SPRED2: variants seen among roughly 807,000 people sequenced by gnomAD.
SPRED2 encodes the protein sprouty related EVH1 domain containing 2, also known as sprouty-related, EVH1 domain-containing protein 2.
SPRED2 carries 47 observed loss-of-function variants against 43.0 expected under a neutral mutation model. The ratio of observed to expected loss-of-function variants is 1.09; its 90% CI spans 0.87 to 1.40. The LOEUF (loss-of-function observed/expected upper bound fraction) is 1.40, where lower values mean the gene tolerates loss of function less well. Ranked by LOEUF, SPRED2 falls within the 40% of genes most tolerant of loss-of-function variation. SPRED2 has a pLI of 0.00. For missense variants in SPRED2, 561 were observed against 586.4 expected (o/e 0.96, Z 0.45); for synonymous variants, 225 against 225.7 (o/e 1.00, Z 0.03).
chr2:65,430,375 A>G (rs2103824718), intron 1 of SPRED2, among the ~76,000 whole-genome samples: 1 of 152,302 alleles, frequency 6.6e-6, no homozygotes, highest in African/African-American at 2.4e-5. Flanking sequence ...TACTGCAGTC[A>G]AAGTTCCCTG....
At chr2:65,385,488 T>C (rs1675473714) in intron 1 of SPRED2, among the ~76,000 whole-genome samples, 1 of 152,218 alleles carries the variant, frequency 6.6e-6, no homozygotes, top group Non-Finnish European at 1.5e-5. Context: ...CTTTGGCAGT[T>C]GCTTCACAGG....
chr2:65,391,428 C>G (rs758002262), intron 1 of SPRED2, among the ~76,000 whole-genome samples: 1 of 152,124 alleles, frequency 6.6e-6, no homozygotes, highest in South Asian at 2.1e-4. Context: ...TTGCTATGCA[C>G]GTTTTAGGCA....
At chr2:65,401,937 G>GTGCACACACACACACA (rs1553426614) in intron 1 of SPRED2, among the ~76,000 whole-genome samples, 26 of 114,762 alleles carry the variant, frequency 2.3e-4, no homozygotes, top group African/African-American at 8.4e-4. Flanking sequence ...GCGCGCGCGC[G>GTGCACACACACACACA]CACACACACA....
chr2:65,318,628 G>A lies in SPRED2; in HGVS notation c.439-1745C>T, dbSNP rs1460857008. Among the ~76,000 whole-genome samples the A allele has an allele frequency of 2.0e-5, 3 of 151,862 alleles. No homozygotes were observed. The East Asian group carries it at 5.8e-4, about 29-fold the overall frequency. On this transcript the variant is annotated intron_variant, in intron 4 of 5. Coordinates refer to ENST00000356388, the MANE Select transcript of SPRED2 (RefSeq NM_181784.3). The stretch of plus-strand genomic sequence containing the variant: ...TTCCTTTGGCTACTGTTTCTTACTT[G>A]TATATTCCCCTCATCTCATTTGCTT...
chr2:65,388,080 C>T (rs1225029674), intron 1 of SPRED2, among the ~76,000 whole-genome samples: 2 of 152,222 alleles, frequency 1.3e-5, no homozygotes, highest in Non-Finnish European at 2.9e-5. Flanking sequence ...TGAGCCACCA[C>T]GCCCAGCGGA....
At chr2:65,427,587 A>G (rs756340055) in intron 1 of SPRED2, among the ~76,000 whole-genome samples, 1 of 152,134 alleles carries the variant, frequency 6.6e-6, no homozygotes, top group Non-Finnish European at 1.5e-5. Context: ...AATTTGCACT[A>G]CTCCCATTAT....
chr2:65,352,194 C>T lies in SPRED2; in HGVS notation c.27-7298G>A, dbSNP rs116968952. ...CAGATCTGGCAGTAGCCAATTCTGG[C>T]AAAGGCCATCAGCTCTTCTCTCAAA... On this transcript the variant is annotated intron_variant, in intron 1 of 5. Coordinates refer to ENST00000356388, the MANE Select transcript of SPRED2 (RefSeq NM_181784.3). Among the ~76,000 whole-genome samples, 63 of 152,336 alleles carry T rather than the reference C, an allele frequency of 4.1e-4. 1 individual carries two copies. In the East Asian group the frequency reaches 0.01, roughly 24 times the overall value.
intron 1 of SPRED2, among the ~76,000 whole-genome samples, chr2:65,376,972 C>T (rs866781597): frequency 1.3e-5 from 2 of 152,142 alleles, no homozygotes; most frequent in Non-Finnish European, 2.9e-5. Context: ...CCTCGGCCTC[C>T]CAAAGTGCTG....
At chr2:65,399,554 T>C (rs1281835886) in intron 1 of SPRED2, among the ~76,000 whole-genome samples, 4 of 151,826 alleles carry the variant, frequency 2.6e-5, no homozygotes, top group Non-Finnish European at 5.9e-5. Context: ...GGCTAATTTT[T>C]GTATTTTTAG....
At chr2:65,430,853 C>A (rs1325626270) in intron 1 of SPRED2, among the ~76,000 whole-genome samples, 2 of 146,712 alleles carry the variant, frequency 1.4e-5, no homozygotes, top group Non-Finnish European at 1.5e-5. Context: ...AATAAAGGAG[C>A]GCGTCTTATT....
chr2:65,377,910 T>A lies in SPRED2; in HGVS notation c.27-33014A>T, dbSNP rs897650352. The A allele has an allele frequency of 3.0e-5, 10 of 332,552 alleles. No homozygotes were observed. In the Admixed American group the frequency reaches 3.1e-4, roughly 10 times the overall value. 20.6% of individuals were successfully genotyped at this position (332,552 alleles called of 1,614,324 possible). A position where few individuals can be genotyped will look rare whatever the true frequency, so the allele number is the denominator to read the frequency against. On this transcript the variant is annotated intron_variant, in intron 1 of 5. Transcript: ENST00000356388. ...TCATACTCTCTTTCCACATGCATCC[T>A]GAAGGTTCTATTCTAAGTTTACCAA...
chr2:65,313,720 CGCGCACCACAT>C lies in SPRED2; in HGVS notation c.1027_1037del (p.Met343GlyfsTer24). 1 of 1,614,174 alleles carries C rather than the reference CGCGCACCACAT, an allele frequency of 6.2e-7. No homozygotes were observed. The highest frequency in any genetic ancestry group is 8.5e-7 in the Non-Finnish European group (1 of 1,180,018). On this transcript the variant is annotated frameshift_variant, in exon 6 of 6. Coordinates refer to ENST00000356388, the MANE Select transcript of SPRED2 (RefSeq NM_181784.3). LOFTEE classifies it high-confidence loss of function. The stretch of plus-strand genomic sequence containing the variant: ...ACATACAGTGATAGAGCATGCTGTC[CGCGCACCACAT>C]GCAGCTCACCCGGCGGATGCAAGTT...
intron 1 of SPRED2, among the ~76,000 whole-genome samples, chr2:65,402,081 C>T (rs977821058): frequency 2.0e-5 from 3 of 151,496 alleles, no homozygotes; most frequent in Non-Finnish European, 4.4e-5. Context: ...AGTTTGAAAG[C>T]AGCCTGGGCA....
intron 1 of SPRED2, among the ~76,000 whole-genome samples, chr2:65,390,181 C>G (rs185940833): frequency 2.0e-5 from 3 of 152,290 alleles, no homozygotes; most frequent in Non-Finnish European, 4.4e-5. Context: ...TGAGCCAGAC[C>G]TGGCAAAATA....
At chr2:65,409,397 A>C (rs897089655) in intron 1 of SPRED2, among the ~76,000 whole-genome samples, 5 of 152,232 alleles carry the variant, frequency 3.3e-5, no homozygotes, top group African/African-American at 1.2e-4. Context: ...AGATACACTA[A>C]ATAATAGACT....
At chr2:65,378,783 C>A (rs1675305426) in intron 1 of SPRED2, among the ~76,000 whole-genome samples, 1 of 152,170 alleles carries the variant, frequency 6.6e-6, no homozygotes. Flanking sequence ...GGAGGGGTTA[C>A]TTTTGTTGTT....
intron 1 of SPRED2, among the ~76,000 whole-genome samples, chr2:65,431,012 T>G (rs1361156267): frequency 4.6e-5 from 7 of 151,278 alleles, no homozygotes; most frequent in African/African-American, 1.7e-4. Flanking sequence ...TGAAAACGCC[T>G]CAGACCAGGG....
chr2:65,339,058 GC>G (rs1368999254), intron 2 of SPRED2, among the ~76,000 whole-genome samples: 1 of 137,052 alleles, frequency 7.3e-6, no homozygotes, highest in African/African-American at 2.9e-5. Context: ...GGGGGGCTCA[GC>G]CCCCCGCCGG....
intron 4 of SPRED2, 140 bp from the exon 5 acceptor site, chr2:65,317,023 G>T (rs1389039304): frequency 3.4e-6 from 3 of 895,394 alleles, no homozygotes; most frequent in Middle Eastern, 5.6e-4. Flanking sequence ...TCTTGAGTTT[G>T]TCTTGGCTAC....
Sources: allele counts gnomAD v4.1 joint callset (sites outside exome capture counted in the v4.1 genomes callset), GRCh38; gene constraint gnomAD v4.1.1; transcripts MANE v1.5; gene names NCBI Gene and HGNC (gene_info 2026-07-23, HGNC 2026-07-21).